The following TBC1D32 variants were observed in gnomAD, a reference collection of about 807,000 sequenced individuals.
The protein encoded by TBC1D32 is protein broad-minded.
TBC1D32 carries 151 observed loss-of-function variants against 170.3 expected under a neutral mutation model. The ratio of observed to expected loss-of-function variants is 0.89; its 90% CI spans 0.78 to 1.01. TBC1D32 has a LOEUF of 1.01. Among genes scored for constraint, TBC1D32 ranks in the 50% least tolerant of loss-of-function variants. TBC1D32 has a pLI of 0.00. For missense variants in TBC1D32, 1,464 were observed against 1,457.1 expected, an observed-to-expected ratio of 1.00 and a Z score of -0.08; for synonymous variants, 498 against 488.0, an observed-to-expected ratio of 1.02 and a Z score of -0.27.
chr6:121,208,707 G>T (rs540645544), intron 21 of TBC1D32, among the ~76,000 whole-genome samples: 1 of 86,264 alleles, frequency 1.2e-5, no homozygotes, highest in African/African-American at 3.8e-5. Flanking sequence ...GATTTATGTA[G>T]CAACAAGACA....
intron 22 of TBC1D32, among the ~76,000 whole-genome samples, chr6:121,202,728 G>T (rs1041652523): frequency 1.3e-5 from 2 of 151,290 alleles, no homozygotes; most frequent in Admixed American, 1.3e-4. Flanking sequence ...TAAGTTGGAA[G>T]AGGGAGAAAA....
chr6:121,326,429 A>C lies in TBC1D32; in HGVS notation c.156-4635T>G, dbSNP rs529658989. The stretch of plus-strand genomic sequence containing the variant: ...CTAATTACCTTGATCTGACCGCTAT[A>C]CATGTATGGAAACATCACTATGTAC... On this transcript the variant is annotated intron_variant, in intron 1 of 31. Coordinates refer to ENST00000398212, the MANE Select transcript of TBC1D32 (RefSeq NM_152730.6). Among the ~76,000 whole-genome samples the C allele has an allele frequency of 4.6e-5, 7 of 152,336 alleles. No homozygotes were observed. The South Asian group carries it at 1.4e-3, about 32-fold the overall frequency.
chr6:121,189,681 G>T (rs916816775), intron 22 of TBC1D32, among the ~76,000 whole-genome samples: 14 of 151,886 alleles, frequency 9.2e-5, no homozygotes, highest in Non-Finnish European at 2.1e-4. Flanking sequence ...TTACCCAGGA[G>T]ACATCAATAT....
At chr6:121,154,947 C>T (rs1480153877) in intron 24 of TBC1D32, among the ~76,000 whole-genome samples, 3 of 152,096 alleles carry the variant, frequency 2.0e-5, no homozygotes, top group Non-Finnish European at 4.4e-5. Context: ...ATGCCTCCAA[C>T]TTTGTTGTTT....
chr6:121,258,210 C>G (rs1377054487), intron 15 of TBC1D32, among the ~76,000 whole-genome samples: 2 of 152,056 alleles, frequency 1.3e-5, no homozygotes, highest in African/African-American at 2.4e-5. Context: ...AATTTCAAAA[C>G]AGCAACAGCA....
rs182075483 is a variant in TBC1D32 at position 121,080,311 on chromosome 6, G to C, written c.*460C>G. On this transcript the variant is annotated 3_prime_UTR_variant, in exon 32 of 32. Transcript: ENST00000398212. ...TGGCTCACTGCAACCTCCGCCTCCC[G>C]GGTTCAAGCGATTCTCCTGCCTCAG... The C allele has an allele frequency of 3.6e-6, 1 of 274,154 alleles. No homozygotes were observed. The highest frequency in any genetic ancestry group is 7.6e-6 in the Non-Finnish European group (1 of 131,066). The allele number at this position is 274,154 out of a possible 1,614,324, so 17.0% of individuals were successfully genotyped here.
intron 21 of TBC1D32, among the ~76,000 whole-genome samples, chr6:121,217,056 C>T (rs1425730696): frequency 6.6e-6 from 1 of 152,238 alleles, no homozygotes; most frequent in East Asian, 1.9e-4. Context: ...ATTCCTAACA[C>T]AGCCCCATTC....
intron 22 of TBC1D32, among the ~76,000 whole-genome samples, chr6:121,176,791 G>A (rs1787821519): frequency 1.3e-5 from 2 of 152,064 alleles, no homozygotes; most frequent in Non-Finnish European, 2.9e-5. Context: ...TAGAGATGGG[G>A]TTTCACCATG....
At chr6:121,122,398 A>T (rs77205363) in intron 26 of TBC1D32, among the ~76,000 whole-genome samples, 69 of 152,012 alleles carry the variant, frequency 4.5e-4, no homozygotes, top group Admixed American at 2.0e-3. Flanking sequence ...GACTTTCAAG[A>T]TCCTGTATCA....
chr6:121,202,677 G>T (rs1791740749), intron 22 of TBC1D32, among the ~76,000 whole-genome samples: 1 of 151,214 alleles, frequency 6.6e-6, no homozygotes, highest in African/African-American at 2.5e-5. Flanking sequence ...ACATATGAAG[G>T]CATGTCTTCA....
At chr6:121,171,926 A>T (rs1787072043) in intron 22 of TBC1D32, among the ~76,000 whole-genome samples, 1 of 152,140 alleles carries the variant, frequency 6.6e-6, no homozygotes, top group African/African-American at 2.4e-5. Context: ...GTAACACTGG[A>T]AGGTTATATA....
At chr6:121,156,436 T>C (rs1784893850) in intron 24 of TBC1D32, among the ~76,000 whole-genome samples, 1 of 152,014 alleles carries the variant, frequency 6.6e-6, no homozygotes, top group Non-Finnish European at 1.5e-5. Flanking sequence ...GCTAGCAGTC[T>C]ATCTATCTTG....
At chr6:121,332,069 A>T (rs539574001) in intron 1 of TBC1D32, among the ~76,000 whole-genome samples, 1 of 152,338 alleles carries the variant, frequency 6.6e-6, no homozygotes, top group East Asian at 1.9e-4. Flanking sequence ...GCATTTATTT[A>T]ATCTACCTAA....
At chr6:121,192,998 G>A (rs776226997) in intron 22 of TBC1D32, among the ~76,000 whole-genome samples, 3 of 152,148 alleles carry the variant, frequency 2.0e-5, no homozygotes, top group Non-Finnish European at 4.4e-5. Flanking sequence ...CAGGCCTCTA[G>A]AGGTGAGATT....
chr6:121,334,629 A>G (rs1434538614), upstream of TBC1D32: 2 of 632,488 alleles, frequency 3.2e-6, no homozygotes, highest in Non-Finnish European at 5.5e-6. Context: ...TTGGGGAAGC[A>G]GGGGTCCGCG....
intron 16 of TBC1D32, 45 bp from the exon 17 acceptor site, chr6:121,255,455 G>A (rs1798839038): frequency 4.3e-6 from 2 of 468,426 alleles, no homozygotes; most frequent in Admixed American, 8.2e-5. Flanking sequence ...GATAGCACTA[G>A]CCATATATTT....
intron 24 of TBC1D32, among the ~76,000 whole-genome samples, chr6:121,153,557 A>G (rs539259413): frequency 2.0e-5 from 3 of 152,250 alleles, no homozygotes; most frequent in African/African-American, 7.2e-5. Context: ...AGAGCCAGCA[A>G]GCAGGAACGT....
intron 30 of TBC1D32, among the ~76,000 whole-genome samples, chr6:121,101,537 G>A (rs975922039): frequency 1.3e-5 from 2 of 152,038 alleles, no homozygotes; most frequent in African/African-American, 2.4e-5. Context: ...AAATTCAACA[G>A]CCCTTCATGC....
chr6:121,082,813 ATGCCC>A (rs1230632934), intron 31 of TBC1D32, among the ~76,000 whole-genome samples: 1 of 151,972 alleles, frequency 6.6e-6, no homozygotes, highest in Non-Finnish European at 1.5e-5. Context: ...TTAATTGTAA[ATGCCC>A]TGATAACTAC....
Sources: gnomAD v4.1 joint callset for allele counts (sites outside exome capture counted in the v4.1 genomes callset) on GRCh38, gnomAD v4.1.1 for gene constraint, MANE v1.5 for transcripts, NCBI Gene and HGNC (gene_info 2026-07-23, HGNC 2026-07-21) for gene names.